The following CNTNAP2 variants were observed in gnomAD, a reference collection of about 807,000 sequenced individuals.
CNTNAP2 encodes the protein contactin associated protein 2.
CNTNAP2 carries 98 observed loss-of-function variants against 155.2 expected under a neutral mutation model. That is an observed-to-expected ratio of 0.63 (90% confidence interval 0.54 to 0.75). The LOEUF (loss-of-function observed/expected upper bound fraction) is 0.75, where lower values mean the gene tolerates loss of function less well. Among genes scored for constraint, CNTNAP2 ranks in the 30% least tolerant of loss-of-function variants. CNTNAP2 has a pLI of 0.00. For synonymous variants in CNTNAP2, 651 were observed against 631.2 expected, an observed-to-expected ratio of 1.03 and a Z score of -0.47; for missense variants, 1,727 against 1,688.1, an observed-to-expected ratio of 1.02 and a Z score of -0.40.
chr7:147,391,187 T>C (rs1049967895), intron 9 of CNTNAP2, among the ~76,000 whole-genome samples: 17 of 152,140 alleles, frequency 1.1e-4, no homozygotes, highest in Admixed American at 9.2e-4. Context: ...GACTCTCTGG[T>C]TCAAAAGTGG....
chr7:147,259,102 T>C (rs946685936), intron 8 of CNTNAP2, among the ~76,000 whole-genome samples: 12 of 152,230 alleles, frequency 7.9e-5, no homozygotes, highest in African/African-American at 2.4e-4. Flanking sequence ...TTATGGGTTG[T>C]AGCATGTTGT....
chr7:147,428,372 A>G (rs1449397505), intron 10 of CNTNAP2, among the ~76,000 whole-genome samples: 1 of 151,886 alleles, frequency 6.6e-6, no homozygotes, highest in Non-Finnish European at 1.5e-5. Context: ...TGATATCTTC[A>G]TTTTTCATCT....
At chr7:148,040,419 G>C (rs1007444617) in intron 15 of CNTNAP2, among the ~76,000 whole-genome samples, 1 of 152,056 alleles carries the variant, frequency 6.6e-6, no homozygotes, top group East Asian at 1.9e-4. Flanking sequence ...TCCATCCTCA[G>C]ACACGTTGAC....
At chr7:148,319,917 A>C (rs1403402184) in intron 21 of CNTNAP2, among the ~76,000 whole-genome samples, 1 of 151,876 alleles carries the variant, frequency 6.6e-6, no homozygotes, top group Non-Finnish European at 1.5e-5. Context: ...GAATCATCCC[A>C]AAACCATCCC....
At chr7:147,143,709 G>A (rs1276645564) in intron 8 of CNTNAP2, among the ~76,000 whole-genome samples, 1 of 152,084 alleles carries the variant, frequency 6.6e-6, no homozygotes, top group African/African-American at 2.4e-5. Flanking sequence ...TTCACTGTGG[G>A]AGGCTAATGT....
chr7:146,137,270 A>G (rs539880351), intron 1 of CNTNAP2, among the ~76,000 whole-genome samples: 49 of 152,292 alleles, frequency 3.2e-4, no homozygotes, highest in East Asian at 1.7e-3. Context: ...ATATTTTTCA[A>G]TGTCGAAGTT....
chr7:148,071,769 A>G (rs1803387297), intron 15 of CNTNAP2, among the ~76,000 whole-genome samples: 1 of 152,144 alleles, frequency 6.6e-6, no homozygotes, highest in South Asian at 2.1e-4. Context: ...TGCAATCTCT[A>G]CTGTCAGTAA....
chr7:148,278,157 T>C (rs1000475277), intron 21 of CNTNAP2, among the ~76,000 whole-genome samples: 1 of 152,102 alleles, frequency 6.6e-6, no homozygotes, highest in Non-Finnish European at 1.5e-5. Flanking sequence ...AACAGCAAAG[T>C]CACATGGCAA....
intron 11 of CNTNAP2, among the ~76,000 whole-genome samples, chr7:147,542,434 C>A (rs542613262): frequency 6.6e-6 from 1 of 152,146 alleles, no homozygotes; most frequent in South Asian, 2.1e-4. Context: ...AGCTGTGTGA[C>A]TTTGGCAAAT....
At chr7:146,614,816 A>T (rs905793977) in intron 1 of CNTNAP2, among the ~76,000 whole-genome samples, 1 of 152,310 alleles carries the variant, frequency 6.6e-6, no homozygotes, top group Non-Finnish European at 1.5e-5. Context: ...GAAGTTCAAG[A>T]TGGTAGCATT....
chr7:147,886,730 T>C (rs2116724732), intron 13 of CNTNAP2, among the ~76,000 whole-genome samples: 1 of 152,202 alleles, frequency 6.6e-6, no homozygotes, highest in South Asian at 2.1e-4. Context: ...GAATCATACC[T>C]GAGGAGGTAG....
At position 146,557,188 on chromosome 7, in the gene CNTNAP2, G is replaced by T. The variant is rs181585811; in HGVS notation, c.98-217083G>T. Among the ~76,000 whole-genome samples the T allele has an allele frequency of 1.1e-3, 169 of 152,148 alleles. 1 individual carries two copies. Among genetic ancestry groups the T allele is most frequent in the Middle Eastern group, 3.4e-3 (1 of 294 alleles). On this transcript the variant is annotated intron_variant, in intron 1 of 23. Transcript: ENST00000361727. ...TGCCATCAGCTGTAAGGGAAGGATT[G>T]TGGACTAAACTCACTCCCGATATTT...
intron 1 of CNTNAP2, among the ~76,000 whole-genome samples, chr7:146,146,065 C>A (rs1401910468): frequency 6.6e-6 from 1 of 152,122 alleles, no homozygotes; most frequent in African/African-American, 2.4e-5. Context: ...GCTCAGATAT[C>A]AGCAGATTAA....
chr7:147,303,362 A>G (rs1302157757), intron 9 of CNTNAP2, among the ~76,000 whole-genome samples: 2 of 152,232 alleles, frequency 1.3e-5, no homozygotes, highest in Non-Finnish European at 2.9e-5. Flanking sequence ...AATAGTAAAA[A>G]TCTAAGAGTC....
intron 14 of CNTNAP2, among the ~76,000 whole-genome samples, chr7:147,912,639 C>A (rs1166504311): frequency 6.6e-6 from 1 of 152,160 alleles, no homozygotes; most frequent in Non-Finnish European, 1.5e-5. Context: ...GGAGCCCAGC[C>A]CCTGAGACCC....
chr7:147,580,565 C>CTG (rs5888274), intron 12 of CNTNAP2, among the ~76,000 whole-genome samples: 104,552 of 151,548 alleles, frequency 0.69, 36,639 homozygotes, highest in African/African-American at 0.81. Flanking sequence ...CCTTGTATTG[C>CTG]TGTCTATTTC....
chr7:147,223,399 G>A (rs2116599431), intron 8 of CNTNAP2, among the ~76,000 whole-genome samples: 1 of 152,250 alleles, frequency 6.6e-6, no homozygotes, highest in South Asian at 2.1e-4. Flanking sequence ...TGACAAAGCT[G>A]TCCCCCAAGG....
chr7:146,965,817 T>C (rs1396577942), intron 3 of CNTNAP2, among the ~76,000 whole-genome samples: 1 of 152,030 alleles, frequency 6.6e-6, no homozygotes, highest in Admixed American at 6.6e-5. Flanking sequence ...ATGTGAGGGG[T>C]CGCACACTTT....
chr7:148,093,085 C>G (rs1390463844), intron 15 of CNTNAP2, among the ~76,000 whole-genome samples: 1 of 151,758 alleles, frequency 6.6e-6, no homozygotes, highest in African/African-American at 2.4e-5. Flanking sequence ...ATAAATAGCA[C>G]AGTCCACATG....
Sources: gnomAD v4.1 joint callset for allele counts (sites outside exome capture counted in the v4.1 genomes callset) on GRCh38, gnomAD v4.1.1 for gene constraint, MANE v1.5 for transcripts, NCBI Gene and HGNC (gene_info 2026-07-23, HGNC 2026-07-21) for gene names.